Variants in MIS18A observed in about 807,000 individuals in gnomAD.
MIS18A encodes the protein protein Mis18-alpha.
Under a neutral mutation model 25.0 loss-of-function variants are expected in MIS18A, and 14 were observed. That is an observed-to-expected ratio of 0.56 (90% CI 0.37 to 0.88). The LOEUF (loss-of-function observed/expected upper bound fraction) is 0.88. Ranked by LOEUF, MIS18A falls within the 40% of genes least tolerant of loss-of-function variation. MIS18A has a pLI of 0.00. For missense variants in MIS18A, 292 were observed against 290.8 expected (o/e 1.00, Z -0.03); for synonymous variants, 134 against 118.6 (o/e 1.13, Z -0.84).
At chr21:32,165,531 T>A in the MIS18A span, among the ~76,000 whole-genome samples, 2 of 151,930 alleles carry the variant, frequency 1.3e-5, no homozygotes, top group East Asian at 3.9e-4. Flanking sequence ...AGGCACTTTC[T>A]TAGGATTTCC....
the MIS18A span, among the ~76,000 whole-genome samples, chr21:32,169,711 G>T: frequency 6.6e-6 from 1 of 152,188 alleles, no homozygotes; most frequent in Non-Finnish European, 1.5e-5. Flanking sequence ...TAAAATGAGA[G>T]CTATACTGGT....
chr21:32,249,909 A>C, the MIS18A span, among the ~76,000 whole-genome samples: 1 of 152,280 alleles, frequency 6.6e-6, no homozygotes, highest in East Asian at 1.9e-4. Flanking sequence ...ACAAACATCC[A>C]AAATATATCA....
At chr21:32,183,580 C>T in the MIS18A span, among the ~76,000 whole-genome samples, 1 of 152,312 alleles carries the variant, frequency 6.6e-6, no homozygotes, top group South Asian at 2.1e-4. Context: ...AGTAGCTGTC[C>T]TCACTGACAT....
the MIS18A span, among the ~76,000 whole-genome samples, chr21:32,155,128 T>C: frequency 6.6e-6 from 1 of 152,244 alleles, no homozygotes; most frequent in Non-Finnish European, 1.5e-5. Context: ...TATTTTATCC[T>C]GTTAGTAAAT....
the MIS18A span, among the ~76,000 whole-genome samples, chr21:32,245,784 T>C: frequency 6.6e-6 from 1 of 152,228 alleles, no homozygotes; most frequent in Non-Finnish European, 1.5e-5. Context: ...TTTCCTTCTA[T>C]GAGTCAGGAC....
chr21:32,253,872 G>T, the MIS18A span, among the ~76,000 whole-genome samples: 2 of 152,082 alleles, frequency 1.3e-5, no homozygotes, highest in East Asian at 3.8e-4. Context: ...CAAAAAATTG[G>T]AAATAGTTTT....
rs904679055 is a variant in MIS18A, at chr21:32,268,977, C to T, written c.*60G>A. On this transcript the variant is annotated 3_prime_UTR_variant, in exon 5 of 5. Coordinates refer to ENST00000290130, the MANE Select transcript of MIS18A (RefSeq NM_018944.3). ...GTAGAGACGACGTCTCACTATGTTG[C>T]TTCATTTAACAAATAAGGGGAGGAA... The T allele has an allele frequency of 1.1e-5, 13 of 1,208,112 alleles. No individual in the cohort carries two copies. Among genetic ancestry groups the T allele is most frequent in the African/African-American group, 3.1e-5 (2 of 63,936 alleles). 74.8% of individuals were successfully genotyped at this position (1,208,112 alleles called of 1,614,324 possible). A position where few individuals can be genotyped will look rare whatever the true frequency, so the allele number is the denominator to read the frequency against.
the MIS18A span, chr21:32,261,361 T>C: frequency 6.6e-6 from 1 of 152,256 alleles, no homozygotes; most frequent in Non-Finnish European, 1.5e-5. Flanking sequence ...AGCCCAGAGT[T>C]GAAGTGTTGA....
chr21:32,242,962 A>C, the MIS18A span, among the ~76,000 whole-genome samples: 1 of 152,224 alleles, frequency 6.6e-6, no homozygotes, highest in Non-Finnish European at 1.5e-5. Context: ...AGACCCACAC[A>C]GACAGAACCA....
At chr21:32,240,778 G>GTT in the MIS18A span, among the ~76,000 whole-genome samples, 9 of 152,222 alleles carry the variant, frequency 5.9e-5, no homozygotes, top group East Asian at 9.7e-4. Context: ...TGTGGTTTTG[G>GTT]TTTTTTTAAA....
chr21:32,202,133 TA>T, the MIS18A span, among the ~76,000 whole-genome samples: 7 of 151,350 alleles, frequency 4.6e-5, no homozygotes, highest in African/African-American at 1.7e-4. Flanking sequence ...TACAAACAAT[TA>T]AAAAATTAGC....
chr21:32,232,607 T>C, the MIS18A span, among the ~76,000 whole-genome samples: 1 of 152,074 alleles, frequency 6.6e-6, no homozygotes, highest in Non-Finnish European at 1.5e-5. Context: ...ACAACATACA[T>C]GAACTTGGAG....
chr21:32,222,841 G>A, the MIS18A span, among the ~76,000 whole-genome samples: 3 of 149,312 alleles, frequency 2.0e-5, no homozygotes, highest in Non-Finnish European at 4.4e-5. Flanking sequence ...TAAAGGAGGA[G>A]AACAGTGTGA....
chr21:32,197,734 C>A, the MIS18A span: 1 of 152,144 alleles, frequency 6.6e-6, no homozygotes, highest in Admixed American at 6.5e-5. Flanking sequence ...TTCAAAGACC[C>A]ATTAGAGCTT....
chr21:32,154,905 C>T, the MIS18A span, among the ~76,000 whole-genome samples: 2 of 152,230 alleles, frequency 1.3e-5, no homozygotes, highest in Admixed American at 1.3e-4. Flanking sequence ...AAAAGGCCAG[C>T]AGAAAAACCA....
chr21:32,193,946 A>G, the MIS18A span, among the ~76,000 whole-genome samples: 2 of 152,098 alleles, frequency 1.3e-5, no homozygotes, highest in Admixed American at 1.3e-4. Context: ...TGTTTAGAAC[A>G]TCCCTCACCT....
At chr21:32,234,084 C>T in the MIS18A span, among the ~76,000 whole-genome samples, 1 of 152,114 alleles carries the variant, frequency 6.6e-6, no homozygotes, top group African/African-American at 2.4e-5. Context: ...TAGGTAATAA[C>T]AATGTGTCAA....
chr21:32,250,366 T>A, the MIS18A span, among the ~76,000 whole-genome samples: 1 of 152,168 alleles, frequency 6.6e-6, no homozygotes, highest in African/African-American at 2.4e-5. Flanking sequence ...CAATTTCCAT[T>A]TTCCCTTTTG....
the MIS18A span, among the ~76,000 whole-genome samples, chr21:32,157,223 A>ATTTTTTTT: frequency 1.0e-3 from 75 of 72,308 alleles, 3 homozygotes; most frequent in Admixed American, 1.7e-3. Context: ...TACCCGGCTA[A>ATTTTTTTT]TTTTTTTTTT....
Sources: gnomAD v4.1 joint callset for allele counts (sites outside exome capture counted in the v4.1 genomes callset) on GRCh38, gnomAD v4.1.1 for gene constraint, MANE v1.5 for transcripts, NCBI Gene and HGNC (gene_info 2026-07-23, HGNC 2026-07-21) for gene names.